Variants in GABRG3 observed in about 807,000 individuals in gnomAD.
GABRG3 encodes the protein gamma-aminobutyric acid receptor subunit gamma-3.
A neutral mutation model predicts 48.8 loss-of-function variants in GABRG3; 25 were observed. The ratio of observed to expected loss-of-function variants is 0.51; its 90% CI spans 0.37 to 0.72. The LOEUF (loss-of-function observed/expected upper bound fraction) is 0.72, where lower values mean the gene tolerates loss of function less well. GABRG3 is among the 30% of genes least tolerant of loss of function. GABRG3 has a pLI of 0.00. For synonymous variants in GABRG3, 227 were observed against 217.6 expected, an observed-to-expected ratio of 1.04 and a Z score of -0.38; for missense variants, 394 against 577.9, an observed-to-expected ratio of 0.68 and a Z score of 3.26.
chr15:27,192,188 T>C (rs999280924), intron 3 of GABRG3, among the ~76,000 whole-genome samples: 3 of 151,672 alleles, frequency 2.0e-5, no homozygotes, highest in African/African-American at 4.8e-5. Context: ...TTGGTGAATC[T>C]GACAATTGTG....
intron 5 of GABRG3, chr15:27,422,458 T>A (rs1888153164): frequency 6.6e-6 from 1 of 152,260 alleles, no homozygotes; most frequent in Non-Finnish European, 1.5e-5. Context: ...GGGCTGCATA[T>A]CCACCAATAC....
chr15:27,281,017 T>C (rs1438801987), intron 3 of GABRG3, among the ~76,000 whole-genome samples: 2 of 152,178 alleles, frequency 1.3e-5, no homozygotes, highest in Admixed American at 6.6e-5. Flanking sequence ...TTTATGTATA[T>C]ACCTTAAGAT....
chr15:27,391,464 T>A (rs1312243460), intron 5 of GABRG3, among the ~76,000 whole-genome samples: 1 of 151,846 alleles, frequency 6.6e-6, no homozygotes, highest in Non-Finnish European at 1.5e-5. Flanking sequence ...GTAGTAAAAA[T>A]AATAATAATA....
chr15:26,995,392 A>G (rs1895321020), intron 2 of GABRG3, among the ~76,000 whole-genome samples: 1 of 151,968 alleles, frequency 6.6e-6, no homozygotes, highest in Non-Finnish European at 1.5e-5. Flanking sequence ...TCTTGTTTTT[A>G]TGCCCATTCT....
rs1229301342 is a variant in GABRG3, at chr15:27,307,797, A to T, written c.271-19012A>T. Among the ~76,000 whole-genome samples the T allele has an allele frequency of 3.8e-5, 5 of 130,038 alleles. No homozygotes were observed. The East Asian group carries it at 8.8e-4, about 23-fold the overall frequency. 85.3% of individuals were successfully genotyped at this position (130,038 alleles called of 152,430 possible). On this transcript the variant is annotated intron_variant, in intron 3 of 9. Transcript: ENST00000615808. ...ATGTTTATATATAAACATATATATA[A>T]AATAAACATAAACATATATAAAATA...
At chr15:27,006,911 TTAC>T (rs1463500793) in intron 2 of GABRG3, among the ~76,000 whole-genome samples, 2 of 151,754 alleles carry the variant, frequency 1.3e-5, no homozygotes, top group Non-Finnish European at 2.9e-5. Context: ...ACAATTGGGC[TTAC>T]TGCAGCCTCG....
intron 3 of GABRG3, among the ~76,000 whole-genome samples, chr15:27,094,286 A>G (rs1459700238): frequency 1.3e-5 from 2 of 152,192 alleles, no homozygotes; most frequent in East Asian, 3.9e-4. Flanking sequence ...CAGGGGTCAG[A>G]AAGCCGGAGT....
intron 3 of GABRG3, among the ~76,000 whole-genome samples, chr15:27,142,900 G>A (rs1306347789): frequency 2.6e-5 from 4 of 151,648 alleles, no homozygotes; most frequent in East Asian, 1.9e-4. Flanking sequence ...GACTACAGGC[G>A]TGAGCTACCA....
intron 3 of GABRG3, among the ~76,000 whole-genome samples, chr15:27,030,350 G>A (rs895992398): frequency 3.3e-5 from 5 of 152,126 alleles, no homozygotes; most frequent in Non-Finnish European, 5.9e-5. Flanking sequence ...TAACACTGAA[G>A]ATTCTGCCTC....
intron 4 of GABRG3, among the ~76,000 whole-genome samples, chr15:27,328,509 T>C (rs1368979906): frequency 6.6e-6 from 1 of 152,272 alleles, no homozygotes; most frequent in Non-Finnish European, 1.5e-5. Flanking sequence ...AAACAACTTA[T>C]AAAACAACAG....
rs1891524148 is a variant in GABRG3 at position 27,535,327 on chromosome 15, T to A, written c.*2446T>A. 6.6e-6 allele frequency: 1 copy of A among 152,244 alleles called. No individual in the cohort carries two copies. 9.4% of individuals were successfully genotyped at this position (152,244 alleles called of 1,614,324 possible). ...TTTATAACATGGATTTGTTTGATTT[T>A]ACCTTAAAAGAATTTTACTGATGCC... On this transcript the variant is annotated 3_prime_UTR_variant, in exon 10 of 10. Transcript: ENST00000615808.
chr15:27,283,900 A>C (rs1891520779), intron 3 of GABRG3, among the ~76,000 whole-genome samples: 1 of 152,332 alleles, frequency 6.6e-6, no homozygotes, highest in East Asian at 1.9e-4. Context: ...AGGGGATATA[A>C]AAATAGATAA....
intron 3 of GABRG3, among the ~76,000 whole-genome samples, chr15:27,296,252 C>A (rs1266267983): frequency 1.3e-5 from 2 of 152,178 alleles, no homozygotes; most frequent in Non-Finnish European, 1.5e-5. Context: ...TTATGAAATA[C>A]AGGATACTTG....
chr15:27,508,568 CTCT>C (rs1222965907), intron 6 of GABRG3, among the ~76,000 whole-genome samples: 2 of 152,210 alleles, frequency 1.3e-5, no homozygotes, highest in South Asian at 2.1e-4. Flanking sequence ...ATTTCCAACA[CTCT>C]TCATTTCTTT....
Position 27,540,884 on chromosome 15 carries a change from T to A in GABRG3, c.*8003T>A, listed in dbSNP as rs571897502. On this transcript the variant is annotated 3_prime_UTR_variant, in exon 10 of 10. Coordinates refer to ENST00000615808, the MANE Select transcript of GABRG3 (RefSeq NM_033223.5). The stretch of plus-strand genomic sequence containing the variant: ...TAAAACTGAAACAACTTATTAATAA[T>A]GTGTGTCACTCTACCCATCACCCCA... 3.3e-5 allele frequency: 5 copies of A among 152,204 alleles called. No homozygotes were observed. Among genetic ancestry groups the A allele is most frequent in the Non-Finnish European group, 7.3e-5 (5 of 68,030 alleles). The allele number at this position is 152,204 out of a possible 1,614,324, so 9.4% of individuals were successfully genotyped here. A position where few individuals can be genotyped will look rare whatever the true frequency, so the allele number is the denominator to read the frequency against.
At chr15:27,358,901 T>G (rs1053705487) in intron 5 of GABRG3, among the ~76,000 whole-genome samples, 3 of 152,164 alleles carry the variant, frequency 2.0e-5, no homozygotes, top group African/African-American at 7.2e-5. Flanking sequence ...GCCCGCTCAG[T>G]GGGCCCCGGC....
chr15:27,002,964 C>T lies in GABRG3; in HGVS notation c.203-23790C>T, dbSNP rs570052363. On this transcript the variant is annotated intron_variant, in intron 2 of 9. Transcript: ENST00000615808. ...TGGGTAACAGAATGAGACCCTGACTCGAAAATTAAATAAAATAAAATACAA... is the reference window on the plus strand; with the variant it reads ...TGGGTAACAGAATGAGACCCTGACTTGAAAATTAAATAAAATAAAATACAA... Among the ~76,000 whole-genome samples, 21 of 150,738 alleles carry T rather than the reference C, an allele frequency of 1.4e-4. 1 individual carries two copies. In the South Asian group the frequency reaches 4.4e-3, roughly 32 times the overall value.
At chr15:27,296,980 G>T (rs1382923175) in intron 3 of GABRG3, among the ~76,000 whole-genome samples, 8 of 152,046 alleles carry the variant, frequency 5.3e-5, no homozygotes. Flanking sequence ...GTGGGACAAG[G>T]TGTGGAGTTG....
At chr15:27,358,135 G>C (rs1894901883) in intron 5 of GABRG3, among the ~76,000 whole-genome samples, 1 of 152,128 alleles carries the variant, frequency 6.6e-6, no homozygotes, top group Non-Finnish European at 1.5e-5. Context: ...AATTTCCACT[G>C]GAAATCTCGA....
Sources: gnomAD v4.1 joint callset for allele counts (sites outside exome capture counted in the v4.1 genomes callset) on GRCh38, gnomAD v4.1.1 for gene constraint, MANE v1.5 for transcripts, NCBI Gene and HGNC (gene_info 2026-07-23, HGNC 2026-07-21) for gene names.